CIMIP6: variants seen among roughly 807,000 people sequenced by gnomAD.
The protein encoded by CIMIP6 is uncharacterized protein C2orf73.
the CIMIP6 span, among the ~76,000 whole-genome samples, chr2:54,333,738 C>G: frequency 6.6e-6 from 1 of 151,830 alleles, no homozygotes; most frequent in Non-Finnish European, 1.5e-5. Context: ...AAAAAAAATA[C>G]AAAAATTAGC....
the CIMIP6 span, among the ~76,000 whole-genome samples, chr2:54,351,254 A>G: frequency 6.6e-6 from 1 of 152,236 alleles, no homozygotes; most frequent in Non-Finnish European, 1.5e-5. Context: ...GTTTTCCAGA[A>G]CTACCATTCA....
chr2:54,335,727 C>G, the CIMIP6 span, among the ~76,000 whole-genome samples: 1 of 152,290 alleles, frequency 6.6e-6, no homozygotes, highest in Non-Finnish European at 1.5e-5. Flanking sequence ...TGGTTTAAAG[C>G]AGCACATATT....
chr2:54,334,983 C>G, the CIMIP6 span: 1 of 1,605,526 alleles, frequency 6.2e-7, no homozygotes, highest in East Asian at 2.2e-5. Flanking sequence ...ATACAATGAA[C>G]CATTTCCCTA....
the CIMIP6 span, among the ~76,000 whole-genome samples, chr2:54,373,380 T>C: frequency 6.6e-6 from 1 of 152,026 alleles, no homozygotes; most frequent in Non-Finnish European, 1.5e-5. Flanking sequence ...CTCCAAGGCC[T>C]AGTGCCGATA....
chr2:54,360,658 C>A, the CIMIP6 span: 1 of 1,180,334 alleles, frequency 8.5e-7, no homozygotes, highest in Non-Finnish European at 1.1e-6. Flanking sequence ...TTATCAGTAA[C>A]TTCAGAACAT....
the CIMIP6 span, among the ~76,000 whole-genome samples, chr2:54,347,276 A>G: frequency 6.6e-6 from 1 of 152,154 alleles, no homozygotes; most frequent in Admixed American, 6.6e-5. Flanking sequence ...TTTTGCATTC[A>G]TTTTGCTTGA....
At chr2:54,364,700 A>T in the CIMIP6 span, among the ~76,000 whole-genome samples, 1 of 152,228 alleles carries the variant, frequency 6.6e-6, no homozygotes, top group South Asian at 2.1e-4. Context: ...ATAAAGAAGT[A>T]TCAAGACAAA....
At chr2:54,351,338 A>G in the CIMIP6 span, among the ~76,000 whole-genome samples, 1 of 152,248 alleles carries the variant, frequency 6.6e-6, no homozygotes, top group Non-Finnish European at 1.5e-5. Context: ...TGTTCATTGC[A>G]GCACTATTCA....
At chr2:54,341,019 T>C in the CIMIP6 span, among the ~76,000 whole-genome samples, 1 of 152,202 alleles carries the variant, frequency 6.6e-6, no homozygotes, top group Non-Finnish European at 1.5e-5. Flanking sequence ...CATTTCCTAG[T>C]GGTTCGCTTA....
chr2:54,376,786 A>G, the CIMIP6 span, among the ~76,000 whole-genome samples: 1 of 152,170 alleles, frequency 6.6e-6, no homozygotes, highest in Non-Finnish European at 1.5e-5. Flanking sequence ...CTGCTTGACC[A>G]TTTGCACTGA....
the CIMIP6 span, chr2:54,359,050 T>C: frequency 6.5e-7 from 1 of 1,536,274 alleles, no homozygotes; most frequent in East Asian, 2.4e-5. Flanking sequence ...CCAGAAAAAC[T>C]CCGAATGAGC....
chr2:54,354,900 T>C, the CIMIP6 span, among the ~76,000 whole-genome samples: 1 of 152,084 alleles, frequency 6.6e-6, no homozygotes, highest in African/African-American at 2.4e-5. Flanking sequence ...CTTAGAATTT[T>C]CTGTTCTTTA....
chr2:54,358,054 G>A, the CIMIP6 span, among the ~76,000 whole-genome samples: 1 of 152,130 alleles, frequency 6.6e-6, no homozygotes. Flanking sequence ...AACATACATG[G>A]AGCACAGACC....
At chr2:54,380,745 A>G in the CIMIP6 span, among the ~76,000 whole-genome samples, 1 of 152,180 alleles carries the variant, frequency 6.6e-6, no homozygotes, top group Non-Finnish European at 1.5e-5. Context: ...ACGCACACAC[A>G]TGCCCACACA....
the CIMIP6 span, chr2:54,381,999 GTTTCA>G: frequency 6.5e-7 from 1 of 1,527,348 alleles, no homozygotes; most frequent in Non-Finnish European, 8.8e-7. Context: ...AGTATTAGCA[GTTTCA>G]TTTTTATAAT....
chr2:54,343,961 T>G, the CIMIP6 span: 1 of 1,158,812 alleles, frequency 8.6e-7, no homozygotes, highest in Non-Finnish European at 1.2e-6. Flanking sequence ...GGACAGCTCC[T>G]GAAAATAATT....
chr2:54,371,508 G>A, the CIMIP6 span, among the ~76,000 whole-genome samples: 28 of 152,228 alleles, frequency 1.8e-4, no homozygotes, highest in African/African-American at 6.8e-4. Context: ...AGTTCTGAGT[G>A]GCCCTGGGGA....
the CIMIP6 span, among the ~76,000 whole-genome samples, chr2:54,359,685 G>A: frequency 6.6e-6 from 1 of 151,918 alleles, no homozygotes; most frequent in Admixed American, 6.6e-5. Context: ...GTGTGTGGCA[G>A]GGAGATGCAT....
At chr2:54,377,336 G>C in the CIMIP6 span, among the ~76,000 whole-genome samples, 1 of 152,106 alleles carries the variant, frequency 6.6e-6, no homozygotes, top group African/African-American at 2.4e-5. Flanking sequence ...CCATTATATA[G>C]TATTTCTACC....
Sources: gnomAD v4.1 joint callset for allele counts (sites outside exome capture counted in the v4.1 genomes callset) on GRCh38, gnomAD v4.1.1 for gene constraint, MANE v1.5 for transcripts, NCBI Gene and HGNC (gene_info 2026-07-23, HGNC 2026-07-21) for gene names.